The following FHOD3 variants were observed in gnomAD, a reference collection of about 807,000 sequenced individuals.
FHOD3 encodes FH1/FH2 domain-containing protein 3.
A neutral mutation model predicts 173.0 loss-of-function variants in FHOD3; 90 were observed. The observed-to-expected ratio is 0.52, with a 90% CI of 0.44 to 0.62. The LOEUF is 0.62. Among genes scored for constraint, FHOD3 ranks in the 20% least tolerant of loss-of-function variants. The pLI, the probability that FHOD3 is intolerant of heterozygous loss-of-function variation, is 0.00. For synonymous variants in FHOD3, 828 were observed against 823.0 expected (o/e 1.01, Z -0.10); for missense variants, 1,945 against 2,034.7 (o/e 0.96, Z 0.85).
intron 1 of FHOD3, among the ~76,000 whole-genome samples, chr18:36,344,413 A>G (rs1001035441): frequency 6.6e-6 from 1 of 152,128 alleles, no homozygotes; most frequent in Non-Finnish European, 1.5e-5. Context: ...CTTGTCTCAA[A>G]AAAAAAAGGT....
At chr18:36,364,943 G>A (rs1394232730) in intron 2 of FHOD3, among the ~76,000 whole-genome samples, 5 of 152,108 alleles carry the variant, frequency 3.3e-5, no homozygotes, top group African/African-American at 1.2e-4. Flanking sequence ...GGAGAGACTG[G>A]GGGCTGTGAA....
chr18:36,430,320 G>A (rs563665645), intron 3 of FHOD3, among the ~76,000 whole-genome samples: 29 of 152,264 alleles, frequency 1.9e-4, no homozygotes, highest in African/African-American at 6.3e-4. Flanking sequence ...GAGTTCAAGC[G>A]ATTCTCCCGC....
At chr18:36,561,552 C>CT (rs527367801) in intron 5 of FHOD3, among the ~76,000 whole-genome samples, 123 of 152,284 alleles carry the variant, frequency 8.1e-4, no homozygotes, top group African/African-American at 2.9e-3. Context: ...TTGATTTTGA[C>CT]TTTTTTATTG....
chr18:36,321,632 C>T (rs987738691), intron 1 of FHOD3, among the ~76,000 whole-genome samples: 8 of 152,102 alleles, frequency 5.3e-5, no homozygotes, highest in African/African-American at 1.9e-4. Flanking sequence ...GGGTGAAGTG[C>T]AGGGAATGTG....
chr18:36,495,162 A>G (rs967695106), intron 3 of FHOD3, among the ~76,000 whole-genome samples: 2 of 152,026 alleles, frequency 1.3e-5, no homozygotes, highest in Admixed American at 6.6e-5. Flanking sequence ...TCTAGTCTCA[A>G]ATTTCTTGGC....
At chr18:36,336,473 C>CAGTGGAT (rs1444954315) in intron 1 of FHOD3, among the ~76,000 whole-genome samples, 1 of 152,188 alleles carries the variant, frequency 6.6e-6, no homozygotes, top group Non-Finnish European at 1.5e-5. Context: ...TCACATTTCA[C>CAGTGGAT]AGTGGATTCT....
At chr18:36,460,823 G>A (rs1430615994) in intron 3 of FHOD3, among the ~76,000 whole-genome samples, 1 of 152,168 alleles carries the variant, frequency 6.6e-6, no homozygotes, top group Non-Finnish European at 1.5e-5. Flanking sequence ...TGAATACAGA[G>A]GTGCCTGTGA....
At chr18:36,725,895 A>G (rs1007578407) in intron 19 of FHOD3, among the ~76,000 whole-genome samples, 4 of 152,014 alleles carry the variant, frequency 2.6e-5, no homozygotes, top group Admixed American at 1.3e-4. Flanking sequence ...ATTCTGTTCT[A>G]TTATTCCAAC....
intron 23 of FHOD3, among the ~76,000 whole-genome samples, chr18:36,746,211 C>T (rs2150106214): frequency 6.6e-6 from 1 of 152,326 alleles, no homozygotes; most frequent in Non-Finnish European, 1.5e-5. Context: ...ACATCTGTCC[C>T]TTGCATGTGT....
At chr18:36,715,228 G>A (rs778720139) in intron 18 of FHOD3, among the ~76,000 whole-genome samples, 49 of 152,218 alleles carry the variant, frequency 3.2e-4, no homozygotes, top group Non-Finnish European at 6.5e-4. Context: ...AATCATGGGC[G>A]TGGTTTCCCC....
rs551370847 is a variant in FHOD3 at position 36,584,891 on chromosome 18, A to G, written c.606+8346A>G. Reference sequence around the variant, plus strand: ...CAAAAATAACATACTCTCTTTGTATAAAACTTTAGAAATACAAAAAAAGTA... The same window carrying G: ...CAAAAATAACATACTCTCTTTGTATGAAACTTTAGAAATACAAAAAAAGTA... On this transcript the variant is annotated intron_variant, in intron 6 of 28. Transcript: ENST00000590592. 4.0e-4 allele frequency among the ~76,000 whole-genome samples: 61 copies of G among 152,338 alleles called. 1 individual carries two copies. Among genetic ancestry groups the G allele is most frequent in the Middle Eastern group, 3.4e-3 (1 of 294 alleles).
chr18:36,549,678 C>T (rs1298032986), intron 5 of FHOD3, among the ~76,000 whole-genome samples: 1 of 150,384 alleles, frequency 6.6e-6, no homozygotes, highest in Non-Finnish European at 1.5e-5. Flanking sequence ...GCTGGGACTA[C>T]AGGCGCCCTC....
intron 28 of FHOD3, among the ~76,000 whole-genome samples, chr18:36,769,821 G>A (rs954941080): frequency 7.9e-5 from 12 of 152,146 alleles, no homozygotes; most frequent in South Asian, 2.1e-4. Flanking sequence ...ACCAGGGGGC[G>A]CTTGTGGGGC....
chr18:36,747,657 T>C (rs1017808400), intron 24 of FHOD3, among the ~76,000 whole-genome samples: 3 of 152,176 alleles, frequency 2.0e-5, no homozygotes, highest in Admixed American at 6.5e-5. Flanking sequence ...AGTCACAGGA[T>C]CCAAGAGGAC....
chr18:36,643,558 A>G (rs1430373660), intron 10 of FHOD3, among the ~76,000 whole-genome samples: 2 of 152,194 alleles, frequency 1.3e-5, no homozygotes, highest in Non-Finnish European at 1.5e-5. Flanking sequence ...AGTTAAACCT[A>G]TATATCCTCG....
chr18:36,542,314 G>A (rs894216819), intron 5 of FHOD3, among the ~76,000 whole-genome samples: 2 of 152,108 alleles, frequency 1.3e-5, no homozygotes, highest in Non-Finnish European at 2.9e-5. Flanking sequence ...GGGGGTAGAT[G>A]CCTTTATCTC....
chr18:36,500,515 T>C (rs2054977295), intron 3 of FHOD3, among the ~76,000 whole-genome samples: 1 of 152,240 alleles, frequency 6.6e-6, no homozygotes, highest in Admixed American at 6.5e-5. Context: ...GACGTGACAT[T>C]GTTTTGAATG....
intron 20 of FHOD3, among the ~76,000 whole-genome samples, chr18:36,734,145 C>A (rs1413783899): frequency 6.6e-6 from 1 of 152,198 alleles, no homozygotes; most frequent in Non-Finnish European, 1.5e-5. Context: ...GACACAGCCA[C>A]AGGAAACACT....
chr18:36,590,770 A>G (rs538070073), intron 6 of FHOD3, among the ~76,000 whole-genome samples: 1 of 152,230 alleles, frequency 6.6e-6, no homozygotes, highest in Non-Finnish European at 1.5e-5. Flanking sequence ...AGGAATAGGC[A>G]TGTTGAGACC....
Sources: gnomAD v4.1 joint callset for allele counts (sites outside exome capture counted in the v4.1 genomes callset) on GRCh38, gnomAD v4.1.1 for gene constraint, MANE v1.5 for transcripts, NCBI Gene and HGNC (gene_info 2026-07-23, HGNC 2026-07-21) for gene names.